Variants in ITGBL1 observed in about 807,000 individuals in gnomAD.
ITGBL1 encodes the protein integrin beta-like protein 1.
ITGBL1 carries 51 observed loss-of-function variants against 68.5 expected under a neutral mutation model. That is an observed-to-expected ratio of 0.74 (90% CI 0.59 to 0.94). The LOEUF is 0.94. Ranked by LOEUF, ITGBL1 falls within the 40% of genes least tolerant of loss-of-function variation. The probability of loss-of-function intolerance (pLI) is 0.00; values close to 1 mark genes in which losing one functional copy is unlikely to be tolerated. For missense variants in ITGBL1, 649 were observed against 647.4 expected, an observed-to-expected ratio of 1.00 and a Z score of -0.03; for synonymous variants, 209 against 227.3, an observed-to-expected ratio of 0.92 and a Z score of 0.72.
chr13:101,472,239 A>G (rs1447938284), intron 2 of ITGBL1, among the ~76,000 whole-genome samples: 2 of 152,028 alleles, frequency 1.3e-5, no homozygotes, highest in Non-Finnish European at 2.9e-5. Flanking sequence ...CCAATATGCC[A>G]CTTTATGGCA....
chr13:101,549,407 A>G (rs954612647), intron 2 of ITGBL1, among the ~76,000 whole-genome samples: 3 of 151,952 alleles, frequency 2.0e-5, no homozygotes, highest in Non-Finnish European at 4.4e-5. Flanking sequence ...CAAAACTTAG[A>G]ATTCATAAAT....
At chr13:101,454,412 CCCCA>C (rs1176006879) in intron 2 of ITGBL1, among the ~76,000 whole-genome samples, 5 of 119,910 alleles carry the variant, frequency 4.2e-5, no homozygotes, top group Non-Finnish European at 9.0e-5. Flanking sequence ...CCCCCCCCCC[CCCCA>C]ACTCCTGGAA....
At chr13:101,537,443 G>C (rs937310403) in intron 2 of ITGBL1, among the ~76,000 whole-genome samples, 14 of 152,000 alleles carry the variant, frequency 9.2e-5, no homozygotes, top group African/African-American at 3.4e-4. Context: ...TTTGAACTCA[G>C]TCATGAAGTC....
At chr13:101,576,693 T>C (rs1005583160) in intron 4 of ITGBL1, among the ~76,000 whole-genome samples, 4 of 152,196 alleles carry the variant, frequency 2.6e-5, no homozygotes, top group African/African-American at 9.6e-5. Context: ...CTTCAATTCC[T>C]GTGAGTCATC....
intron 7 of ITGBL1, among the ~76,000 whole-genome samples, chr13:101,618,325 A>G (rs9557713): frequency 0.57 from 86,583 of 152,018 alleles, 26,232 homozygotes; most frequent in Middle Eastern, 0.69. Flanking sequence ...AGCAATCTCC[A>G]GTTTGGGACA....
At chr13:101,485,839 AC>A (rs1484120457) in intron 2 of ITGBL1, among the ~76,000 whole-genome samples, 5 of 152,162 alleles carry the variant, frequency 3.3e-5, no homozygotes, top group Non-Finnish European at 7.4e-5. Flanking sequence ...CATCAAAAAA[AC>A]AATAGATGTT....
chr13:101,715,737 C>T lies in ITGBL1; in HGVS notation c.*83C>T. ...TGCGAAGGAAACCATGTATATTCAC[C>T]ACTAGGACAGGTTAAAAAGACCATT... On this transcript the variant is annotated 3_prime_UTR_variant, in exon 11 of 11. Coordinates refer to ENST00000376180, the MANE Select transcript of ITGBL1 (RefSeq NM_004791.3). 1.2e-6 allele frequency: 1 copy of T among 814,452 alleles called. No homozygotes were observed. 50.5% of individuals were successfully genotyped at this position (814,452 alleles called of 1,614,324 possible).
At chr13:101,697,825 A>G (rs1254512965) in intron 8 of ITGBL1, among the ~76,000 whole-genome samples, 1 of 152,212 alleles carries the variant, frequency 6.6e-6, no homozygotes, top group Non-Finnish European at 1.5e-5. Flanking sequence ...TAATAAAAAT[A>G]AAAGATTGTA....
At chr13:101,626,001 G>T (rs1269838758) in intron 7 of ITGBL1, among the ~76,000 whole-genome samples, 1 of 152,194 alleles carries the variant, frequency 6.6e-6, no homozygotes, top group Non-Finnish European at 1.5e-5. Context: ...TTAAGGGAAT[G>T]GCTTGGATCT....
chr13:101,454,375 A>T (rs1426948148), intron 2 of ITGBL1, among the ~76,000 whole-genome samples: 1 of 134,780 alleles, frequency 7.4e-6, no homozygotes, highest in African/African-American at 2.9e-5. Flanking sequence ...TAAAGTTGGG[A>T]TCTTGCTATG....
At chr13:101,503,726 T>C (rs2139091469) in intron 2 of ITGBL1, among the ~76,000 whole-genome samples, 1 of 152,298 alleles carries the variant, frequency 6.6e-6, no homozygotes, top group South Asian at 2.1e-4. Context: ...TAATCTTCCT[T>C]CAGTCTCAAT....
rs544714933 is a variant in ITGBL1, at chr13:101,474,615, T to C, written c.316+20515T>C. Among the ~76,000 whole-genome samples, 39 of 152,212 alleles carry C rather than the reference T, an allele frequency of 2.6e-4. 1 individual carries two copies. The highest frequency in any genetic ancestry group is 2.0e-3 in the Admixed American group (30 of 15,290). On this transcript the variant is annotated intron_variant, in intron 2 of 10. Transcript: ENST00000376180. ...CAGTGTGGTTGCTATGAGCCTTGGG[T>C]GAGACCTAGTACCATGCTGGCTTTG... is the stretch of plus-strand genomic sequence containing the variant.
chr13:101,452,753 C>A lies in ITGBL1; in HGVS notation c.-81C>A. 1.8e-6 allele frequency: 2 copies of A among 1,105,090 alleles called. No homozygotes were observed. Among genetic ancestry groups the A allele is most frequent in the Non-Finnish European group, 2.8e-6 (2 of 720,898 alleles). 68.5% of individuals were successfully genotyped at this position (1,105,090 alleles called of 1,614,324 possible). On this transcript the variant is annotated 5_prime_UTR_variant, in exon 1 of 11. Coordinates refer to ENST00000376180, the MANE Select transcript of ITGBL1 (RefSeq NM_004791.3). ...CGTCTGCCCAGCCATCTGCTGGTGG[C>A]ACCTCTCCCTCCTGCCGCCTCCCTC...
chr13:101,658,015 T>C (rs937094303), intron 7 of ITGBL1, among the ~76,000 whole-genome samples: 3 of 152,322 alleles, frequency 2.0e-5, no homozygotes, highest in Admixed American at 2.0e-4. Context: ...TACTTACTGA[T>C]TTAAGTGATT....
intron 9 of ITGBL1, chr13:101,711,576 AAAG>A (rs1353475719): frequency 1.3e-5 from 2 of 152,224 alleles, no homozygotes; most frequent in African/African-American, 4.8e-5. Flanking sequence ...AGATCACTAA[AAAG>A]AAGAGTGGAT....
intron 2 of ITGBL1, among the ~76,000 whole-genome samples, chr13:101,460,225 G>A (rs2048299802): frequency 6.6e-6 from 1 of 152,080 alleles, no homozygotes; most frequent in Non-Finnish European, 1.5e-5. Flanking sequence ...CCATGTCTCT[G>A]AGTCGGAGGC....
chr13:101,657,167 T>A (rs1235093877), intron 7 of ITGBL1, among the ~76,000 whole-genome samples: 3 of 152,170 alleles, frequency 2.0e-5, no homozygotes, highest in African/African-American at 7.2e-5. Context: ...GTGTTTTAAG[T>A]TTGAATATGA....
At chr13:101,542,044 T>C (rs1405204098) in intron 2 of ITGBL1, among the ~76,000 whole-genome samples, 2 of 152,216 alleles carry the variant, frequency 1.3e-5, no homozygotes, top group Non-Finnish European at 2.9e-5. Context: ...GTTATTTGTG[T>C]CTCTGTTTCC....
At chr13:101,574,543 G>A (rs1007937745) in intron 3 of ITGBL1, among the ~76,000 whole-genome samples, 3 of 152,094 alleles carry the variant, frequency 2.0e-5, no homozygotes, top group Non-Finnish European at 4.4e-5. Context: ...CTTGATTCCC[G>A]TTGGATTTTC....
Sources: gnomAD v4.1 joint callset for allele counts (sites outside exome capture counted in the v4.1 genomes callset) on GRCh38, gnomAD v4.1.1 for gene constraint, MANE v1.5 for transcripts, NCBI Gene and HGNC (gene_info 2026-07-23, HGNC 2026-07-21) for gene names.